SRPX: variants seen among roughly 807,000 people sequenced by gnomAD.
SRPX encodes sushi repeat containing protein X-linked.
SRPX carries 24 observed loss-of-function variants against 38.1 expected under a neutral mutation model. The ratio of observed to expected loss-of-function variants is 0.63; its 90% CI spans 0.46 to 0.89. The LOEUF is 0.89. Ranked by LOEUF, SRPX falls within the 40% of genes least tolerant of loss-of-function variation. The pLI, the probability that SRPX is intolerant of heterozygous loss-of-function variation, is 0.00. For missense variants in SRPX, 416 were observed against 377.8 expected, an observed-to-expected ratio of 1.10 and a Z score of -0.84; for synonymous variants, 184 against 153.8, an observed-to-expected ratio of 1.20 and a Z score of -1.45.
intron 4 of SRPX, among the ~76,000 whole-genome samples, chrX:38,170,796 C>T (rs1938452056): frequency 8.9e-6 from 1 of 112,107 alleles, no homozygotes; most frequent in African/African-American, 3.2e-5. Context: ...GAGTACTCTG[C>T]CAAAGCTTGC....
intron 1 of SRPX, among the ~76,000 whole-genome samples, chrX:38,216,130 T>C (rs1601876452): frequency 8.9e-6 from 1 of 112,059 alleles, no homozygotes; most frequent in East Asian, 2.8e-4. Context: ...CTACTTTCAC[T>C]TTTCTTGGGC....
At position 38,217,768 on chromosome X, in the gene SRPX, G is replaced by A. The variant is rs528322580; in HGVS notation, c.97+2928C>T. 1.3e-4 allele frequency among the ~76,000 whole-genome samples: 15 copies of A among 112,101 alleles called. 1 individual carries two copies. The highest frequency in any genetic ancestry group is 4.9e-4 in the African/African-American group (15 of 30,909). ...AAGCAGCACTTTGGTTATGGTACGA[G>A]GACTGATGAGGTGGGAAGATGTGAA... On this transcript the variant is annotated intron_variant, in intron 1 of 9. Coordinates refer to ENST00000378533, the MANE Select transcript of SRPX (RefSeq NM_006307.5).
intron 1 of SRPX, among the ~76,000 whole-genome samples, chrX:38,206,842 C>G (rs1939220054): frequency 8.9e-6 from 1 of 111,982 alleles, no homozygotes; most frequent in Non-Finnish European, 1.9e-5. Context: ...ACTTCTTTCC[C>G]CATTGAGGCT....
intron 1 of SRPX, among the ~76,000 whole-genome samples, chrX:38,206,439 A>G (rs747316313): frequency 8.9e-6 from 1 of 112,482 alleles, no homozygotes; most frequent in Non-Finnish European, 1.9e-5. Flanking sequence ...TTTCTTATGC[A>G]TCAAAAGATA....
chrX:38,176,025 C>T (rs1938561966), intron 2 of SRPX, among the ~76,000 whole-genome samples: 1 of 111,611 alleles, frequency 9.0e-6, no homozygotes, highest in Admixed American at 9.5e-5. Context: ...GTTTCTTACA[C>T]AAACATACCT....
chrX:38,202,541 AT>A (rs201222449), intron 1 of SRPX, among the ~76,000 whole-genome samples: 1,307 of 112,413 alleles, frequency 0.012, 29 homozygotes, highest in African/African-American at 0.041. Context: ...AAAAGTAGAA[AT>A]TAATGAAACA....
Position 38,197,972 on chromosome X carries a change from A to G in SRPX, c.98-19628T>C, listed in dbSNP as rs866537924. ...GGAAGTGTTCCCATGAGGCCGAAGG[A>G]TGCTGGCAAGAGGGGTGAGATGAGG... is the stretch of plus-strand genomic sequence containing the variant. On this transcript the variant is annotated intron_variant, in intron 1 of 9. Transcript: ENST00000378533. Among the ~76,000 whole-genome samples, 3 of 112,113 alleles carry G rather than the reference A, an allele frequency of 2.7e-5. No individual in the cohort carries two copies. In the Middle Eastern group the frequency reaches 0.014, roughly 517 times the overall value.
intron 1 of SRPX, among the ~76,000 whole-genome samples, chrX:38,210,008 C>G (rs1337645558): frequency 3.6e-5 from 4 of 112,255 alleles, no homozygotes; most frequent in African/African-American, 9.7e-5. Flanking sequence ...GTCCTGAAAC[C>G]AAAAACACAG....
At chrX:38,207,895 G>A (rs1448255631) in intron 1 of SRPX, among the ~76,000 whole-genome samples, 1 of 112,183 alleles carries the variant, frequency 8.9e-6, no homozygotes, top group Non-Finnish European at 1.9e-5. Flanking sequence ...ATCCAGGCAA[G>A]ACTATTTCAA....
intron 9 of SRPX, among the ~76,000 whole-genome samples, chrX:38,150,159 C>T (rs753899168): frequency 1.2e-4 from 13 of 112,344 alleles, no homozygotes; most frequent in Non-Finnish European, 1.3e-4. Flanking sequence ...CCCCAGATGA[C>T]TGGTATGTAC....
At chrX:38,150,014 G>C (rs1386422045) in intron 9 of SRPX, 120 bp from the exon 10 acceptor site, 1 of 590,510 alleles carries the variant, frequency 1.7e-6, no homozygotes, top group Non-Finnish European at 2.5e-6. Context: ...ATGAAGGACT[G>C]AATCATCCTT....
chrX:38,164,154 T>G (rs898700772), intron 5 of SRPX, among the ~76,000 whole-genome samples: 9 of 110,597 alleles, frequency 8.1e-5, no homozygotes, highest in African/African-American at 3.0e-4. Context: ...TTTTTTTTAA[T>G]TTTTTTGAGA....
chrX:38,218,669 G>A (rs1489493002), intron 1 of SRPX, among the ~76,000 whole-genome samples: 1 of 112,178 alleles, frequency 8.9e-6, no homozygotes, highest in Non-Finnish European at 1.9e-5. Context: ...AAGATATGAT[G>A]TCCACTTGCT....
chrX:38,161,457 T>C (rs1458152768), intron 5 of SRPX, among the ~76,000 whole-genome samples: 5 of 99,133 alleles, frequency 5.0e-5, no homozygotes, highest in African/African-American at 1.5e-4. Context: ...TTAGAGAATA[T>C]AGTCCAAGCA....
intron 1 of SRPX, among the ~76,000 whole-genome samples, chrX:38,209,279 C>T (rs1345655886): frequency 9.0e-6 from 1 of 111,455 alleles, no homozygotes; most frequent in Admixed American, 9.6e-5. Flanking sequence ...TCATTCCTCT[C>T]CTCAGCGGCC....
chrX:38,162,746 G>A (rs955928538), intron 5 of SRPX, among the ~76,000 whole-genome samples: 3 of 112,460 alleles, frequency 2.7e-5, no homozygotes, highest in African/African-American at 3.2e-5. Context: ...CCTGGGAGGC[G>A]GAGGTTGCTG....
chrX:38,155,914 A>C (rs1166512374), intron 8 of SRPX, among the ~76,000 whole-genome samples: 1 of 111,989 alleles, frequency 8.9e-6, no homozygotes, highest in Non-Finnish European at 1.9e-5. Context: ...GGGAACTCAC[A>C]AAAATTTTAT....
At chrX:38,208,934 G>A (rs1309522310) in intron 1 of SRPX, among the ~76,000 whole-genome samples, 8 of 99,760 alleles carry the variant, frequency 8.0e-5, no homozygotes, top group Non-Finnish European at 1.6e-4. Context: ...AGATTCTCTC[G>A]CCTAGGCCTC....
At position 38,174,311 on chromosome X, in the gene SRPX, A is replaced by G; in HGVS notation, c.198T>C (p.Asp66=). The G allele has an allele frequency of 1.9e-6, 2 of 1,074,520 alleles. No individual in the cohort carries two copies. The highest frequency in any genetic ancestry group is 2.4e-6 in the Non-Finnish European group (2 of 824,694). 88.6% of individuals were successfully genotyped at this position (1,074,520 alleles called of 1,213,427 possible). A position where few individuals can be genotyped will look rare whatever the true frequency, so the allele number is the denominator to read the frequency against. ...CTCCTTGAGGGGCCCTGCAGTACAC[A>G]TCCCCATACTTCACCTTGATGGGGG... The part of the protein sequence containing the change: ...WCSPIKVKYG[D]VYCRAPQGGY... Residue 66 remains aspartate (D), a synonymous_variant, in exon 3 of 10, where the codon GAT becomes GAC. Coordinates refer to ENST00000378533, the MANE Select transcript of SRPX (RefSeq NM_006307.5).
Sources: allele counts gnomAD v4.1 joint callset (sites outside exome capture counted in the v4.1 genomes callset), GRCh38; gene constraint gnomAD v4.1.1; transcripts MANE v1.5; gene names NCBI Gene and HGNC (gene_info 2026-07-23, HGNC 2026-07-21).